The following RIMBP2 variants were observed in gnomAD, a reference collection of about 807,000 sequenced individuals.
RIMBP2 encodes the protein RIMS-binding protein 2.
In RIMBP2, 48 loss-of-function variants were observed where a neutral mutation model predicts 118.6. The ratio of observed to expected loss-of-function variants is 0.40; its 90% CI spans 0.32 to 0.51. The LOEUF (loss-of-function observed/expected upper bound fraction) is 0.51. RIMBP2 is among the 20% of genes least tolerant of loss of function. The pLI is 0.41. For synonymous variants in RIMBP2, 762 were observed against 742.9 expected, an observed-to-expected ratio of 1.03 and a Z score of -0.42; for missense variants, 1,551 against 1,768.3, an observed-to-expected ratio of 0.88 and a Z score of 2.20.
chr12:130,679,748 T>C (rs577537499), intron 1 of RIMBP2, among the ~76,000 whole-genome samples: 3 of 152,356 alleles, frequency 2.0e-5, no homozygotes, highest in East Asian at 3.9e-4. Context: ...TAAGTGGCTT[T>C]TAAATATGAG....
chr12:130,643,904 G>A (rs1235241161), intron 1 of RIMBP2, among the ~76,000 whole-genome samples: 3 of 152,170 alleles, frequency 2.0e-5, no homozygotes, highest in East Asian at 1.9e-4. Flanking sequence ...TTTAGACAGT[G>A]TGGTCAAGGT....
chr12:130,664,842 T>C (rs975412500), intron 1 of RIMBP2, among the ~76,000 whole-genome samples: 3 of 151,818 alleles, frequency 2.0e-5, no homozygotes, highest in African/African-American at 7.3e-5. Flanking sequence ...TCCATACTGA[T>C]ATAAATGAAC....
intron 19 of RIMBP2, among the ~76,000 whole-genome samples, chr12:130,411,257 T>C (rs568420761): frequency 6.6e-6 from 1 of 152,204 alleles, no homozygotes; most frequent in East Asian, 1.9e-4. Flanking sequence ...CCTTTGAGAT[T>C]CCTTGAGATT....
intron 4 of RIMBP2, among the ~76,000 whole-genome samples, chr12:130,499,250 C>T (rs556495276): frequency 4.6e-5 from 7 of 152,336 alleles, no homozygotes; most frequent in African/African-American, 1.7e-4. Flanking sequence ...ACATTGAGAA[C>T]TACAATTCAA....
At chr12:130,552,948 C>T (rs955546220) in intron 2 of RIMBP2, among the ~76,000 whole-genome samples, 9 of 151,866 alleles carry the variant, frequency 5.9e-5, no homozygotes, top group Non-Finnish European at 4.4e-5. Context: ...GTCAGGAGAT[C>T]GAGACTATCC....
At chr12:130,527,026 G>A (rs1242982253) in intron 2 of RIMBP2, among the ~76,000 whole-genome samples, 1 of 152,056 alleles carries the variant, frequency 6.6e-6, no homozygotes, top group Non-Finnish European at 1.5e-5. Flanking sequence ...GGGTCCTGAT[G>A]GTCACTGAGC....
At chr12:130,440,123 C>T (rs1281942600) in intron 11 of RIMBP2, among the ~76,000 whole-genome samples, 46 of 136,436 alleles carry the variant, frequency 3.4e-4, no homozygotes, top group South Asian at 3.2e-3. Flanking sequence ...TAACCCTGGC[C>T]GTACCTGCAC....
chr12:130,607,661 A>G (rs2060271255), intron 2 of RIMBP2, among the ~76,000 whole-genome samples: 1 of 152,002 alleles, frequency 6.6e-6, no homozygotes, highest in Non-Finnish European at 1.5e-5. Context: ...CGAGTCAGAC[A>G]CAAATCCGAC....
chr12:130,656,387 G>T (rs1225130138), intron 1 of RIMBP2, among the ~76,000 whole-genome samples: 2 of 152,196 alleles, frequency 1.3e-5, no homozygotes, highest in African/African-American at 4.8e-5. Flanking sequence ...GTCATACAGA[G>T]AGAAGCTTTC....
Position 130,692,055 on chromosome 12 carries a change from G to C in RIMBP2, c.-352+24167C>G, listed in dbSNP as rs373120880. On this transcript the variant is annotated intron_variant, in intron 1 of 22. Coordinates refer to ENST00000690449, the MANE Select transcript of RIMBP2 (RefSeq NM_001393629.1). The stretch of plus-strand genomic sequence containing the variant: ...GGAGATCTTATTTGTTGTAATCACA[G>C]GACTAGAAAGGGAATTGGAGAGGGC... Among the ~76,000 whole-genome samples the C allele has an allele frequency of 7.9e-5, 12 of 152,216 alleles. No individual in the cohort carries two copies. The East Asian group carries it at 1.5e-3, about 20-fold the overall frequency.
chr12:130,643,711 G>A (rs1175939413), intron 1 of RIMBP2, among the ~76,000 whole-genome samples: 4 of 152,232 alleles, frequency 2.6e-5, no homozygotes, highest in Admixed American at 6.5e-5. Context: ...GAACACCTGC[G>A]TGGGACATGT....
At chr12:130,432,347 G>A (rs905230655) in intron 14 of RIMBP2, 29 of 455,592 alleles carry the variant, frequency 6.4e-5, no homozygotes, top group African/African-American at 1.2e-4. Context: ...AAGAGCTTAC[G>A]TTTACTGAGC....
At chr12:130,572,245 C>T (rs1161528612) in intron 2 of RIMBP2, among the ~76,000 whole-genome samples, 2 of 92,532 alleles carry the variant, frequency 2.2e-5, no homozygotes, top group African/African-American at 5.7e-5. Flanking sequence ...TCCCACTGCA[C>T]GCACCACGGA....
intron 22 of RIMBP2, among the ~76,000 whole-genome samples, chr12:130,399,407 A>C (rs1018314281): frequency 6.6e-6 from 1 of 152,158 alleles, no homozygotes; most frequent in Admixed American, 6.5e-5. Context: ...ATCAAACTGA[A>C]ATGTGCTTCT....
intron 2 of RIMBP2, among the ~76,000 whole-genome samples, chr12:130,624,464 C>G (rs1455180666): frequency 6.6e-6 from 1 of 152,090 alleles, no homozygotes; most frequent in Non-Finnish European, 1.5e-5. Context: ...TATTTTACAC[C>G]AAGACGTGTG....
At position 130,412,689 on chromosome 12, in the gene RIMBP2, A is replaced by G; in HGVS notation, c.3519T>C (p.Asp1173=). 1.9e-6 allele frequency: 3 copies of G among 1,613,760 alleles called. No individual in the cohort carries two copies. Among genetic ancestry groups the G allele is most frequent in the Non-Finnish European group, 1.7e-6 (2 of 1,179,960 alleles). ...PCNMVSEIQA[D]DEEMMDQLLR... ...GAAGCTGATCCATCATCTCCTCATC[A>G]TCTGCTTGTATCTCAGAGACCATGT... is the stretch of plus-strand genomic sequence containing the variant. Residue 1173 remains aspartate (D), a synonymous_variant, in exon 19 of 23, where the codon GAT becomes GAC. Coordinates refer to ENST00000690449, the MANE Select transcript of RIMBP2 (RefSeq NM_001393629.1).
intron 1 of RIMBP2, among the ~76,000 whole-genome samples, chr12:130,709,121 G>A (rs944294287): frequency 6.6e-6 from 1 of 152,258 alleles, no homozygotes; most frequent in Non-Finnish European, 1.5e-5. Context: ...AGCTGGAAAA[G>A]CTGTTTACAC....
Position 130,491,092 on chromosome 12 carries a change from C to T in RIMBP2, c.-3-12076G>A, listed in dbSNP as rs980855603. On this transcript the variant is annotated intron_variant, in intron 4 of 22. Transcript: ENST00000690449. ...CAGAGAACCTGCCTGAGACCCAGCC[C>T]AGCTCCAGACATCAGCCTCCACATG... 2.6e-5 allele frequency among the ~76,000 whole-genome samples: 4 copies of T among 152,156 alleles called. 1 individual carries two copies. Among genetic ancestry groups the T allele is most frequent in the South Asian group, 4.1e-4 (2 of 4,822 alleles).
At chr12:130,464,166 C>T (rs2080252045) in intron 6 of RIMBP2, among the ~76,000 whole-genome samples, 1 of 152,234 alleles carries the variant, frequency 6.6e-6, no homozygotes, top group African/African-American at 2.4e-5. Flanking sequence ...GCTGCTCTGC[C>T]TATGGAGTGG....
Sources: gnomAD v4.1 joint callset for allele counts (sites outside exome capture counted in the v4.1 genomes callset) on GRCh38, gnomAD v4.1.1 for gene constraint, MANE v1.5 for transcripts, NCBI Gene and HGNC (gene_info 2026-07-23, HGNC 2026-07-21) for gene names.